The following NBAS variants were observed in gnomAD, a reference collection of about 807,000 sequenced individuals.
The protein encoded by NBAS is NBAS subunit of NRZ tethering complex.
In NBAS, 219 loss-of-function variants were observed where a neutral mutation model predicts 302.5. The observed-to-expected ratio is 0.72, with a 90% confidence interval of 0.65 to 0.81. The LOEUF (loss-of-function observed/expected upper bound fraction) is 0.81, where lower values mean the gene tolerates loss of function less well. Among genes scored for constraint, NBAS ranks in the 30% least tolerant of loss-of-function variants. The probability of loss-of-function intolerance (pLI) is 0.00; values close to 1 mark genes in which losing one functional copy is unlikely to be tolerated. For missense variants in NBAS, 2,932 were observed against 2,841.6 expected (o/e 1.03, Z -0.72); for synonymous variants, 1,118 against 1,021.6 (o/e 1.09, Z -1.80).
rs1667721856 is a variant in NBAS at position 15,238,705 on chromosome 2, G to A, written c.5725-19C>T. The A allele has an allele frequency of 1.2e-5, 6 of 515,684 alleles. No individual in the cohort carries two copies. Among genetic ancestry groups the A allele is most frequent in the Admixed American group, 4.0e-5 (1 of 25,248 alleles). 31.9% of individuals were successfully genotyped at this position (515,684 alleles called of 1,614,324 possible). On this transcript the variant is annotated intron_variant, in intron 44 of 51. Coordinates refer to ENST00000281513, the MANE Select transcript of NBAS (RefSeq NM_015909.4). Reference sequence around the variant, plus strand: ...CAGACAGCTTAAAAAAAAGAATAGTGAGACCAAAGAACCCTGCATTATTAC... The same window carrying A: ...CAGACAGCTTAAAAAAAAGAATAGTAAGACCAAAGAACCCTGCATTATTAC...
At chr2:15,126,352 A>G in the NBAS span, among the ~76,000 whole-genome samples, 1 of 152,152 alleles carries the variant, frequency 6.6e-6, no homozygotes, top group Admixed American at 6.6e-5. Flanking sequence ...TTTAGAAATT[A>G]CCCAACCTCG....
At chr2:15,410,783 GCATCTAA>G (rs58348767) in intron 25 of NBAS, among the ~76,000 whole-genome samples, 2,057 of 152,272 alleles carry the variant, frequency 0.014, 33 homozygotes, top group East Asian at 0.059. Context: ...TTCCATGCGG[GCATCTAA>G]AATGCCAGTC....
chr2:15,191,630 CCAACCATCCCG>C (rs1279138912), intron 48 of NBAS, among the ~76,000 whole-genome samples: 1 of 152,084 alleles, frequency 6.6e-6, no homozygotes, highest in African/African-American at 2.4e-5. Context: ...AGGAAACAGG[CCAACCATCCCG>C]GTGGCACGAC....
At chr2:15,134,793 G>A in the NBAS span, among the ~76,000 whole-genome samples, 2 of 152,168 alleles carry the variant, frequency 1.3e-5, no homozygotes, top group East Asian at 3.9e-4. Flanking sequence ...AAAGCTAGAA[G>A]ATGAACCTCA....
the NBAS span, among the ~76,000 whole-genome samples, chr2:15,154,534 C>T: frequency 6.6e-6 from 1 of 152,194 alleles, no homozygotes; most frequent in African/African-American, 2.4e-5. Context: ...ATTTCATTCG[C>T]ACTTACTGTG....
At chr2:15,415,841 C>A in intron 24 of NBAS, 122 bp from the exon 25 acceptor site, 1 of 1,026,996 alleles carries the variant, frequency 9.7e-7, no homozygotes, top group Non-Finnish European at 1.5e-6. Context: ...AGTGCAAACC[C>A]AACACTCTAA....
chr2:14,904,163 A>G, the NBAS span, among the ~76,000 whole-genome samples: 2 of 152,252 alleles, frequency 1.3e-5, no homozygotes, highest in African/African-American at 4.8e-5. Flanking sequence ...GAGAAACAGA[A>G]CTAATAGGAT....
the NBAS span, among the ~76,000 whole-genome samples, chr2:14,987,843 G>A: frequency 5.3e-5 from 8 of 152,022 alleles, no homozygotes; most frequent in Non-Finnish European, 1.2e-4. Context: ...AATATATTTC[G>A]GTATATATTC....
At chr2:15,160,285 A>G in the NBAS span, among the ~76,000 whole-genome samples, 2 of 152,128 alleles carry the variant, frequency 1.3e-5, no homozygotes, top group Non-Finnish European at 2.9e-5. Flanking sequence ...AGTAGTAGAC[A>G]GGGCAGCTTA....
At chr2:15,260,476 C>G (rs985836063) in intron 44 of NBAS, among the ~76,000 whole-genome samples, 1 of 151,918 alleles carries the variant, frequency 6.6e-6, no homozygotes, top group Non-Finnish European at 1.5e-5. Context: ...AGCTCTGGAG[C>G]CTTTAAGCTT....
At chr2:15,242,796 C>A in intron 44 of NBAS, among the ~76,000 whole-genome samples, 1 of 151,418 alleles carries the variant, frequency 6.6e-6, no homozygotes, top group Non-Finnish European at 1.5e-5. Context: ...TTCCCTGCAG[C>A]AATTAGTAGT....
chr2:15,131,045 C>T, the NBAS span, among the ~76,000 whole-genome samples: 1 of 152,154 alleles, frequency 6.6e-6, no homozygotes, highest in Non-Finnish European at 1.5e-5. Flanking sequence ...ATACGCCAAC[C>T]CTTTTTATAC....
chr2:14,964,621 A>G, the NBAS span, among the ~76,000 whole-genome samples: 1 of 152,200 alleles, frequency 6.6e-6, no homozygotes, highest in Non-Finnish European at 1.5e-5. Context: ...TTTTCTGTTA[A>G]TAATGGATAA....
At chr2:15,051,655 A>T in the NBAS span, among the ~76,000 whole-genome samples, 2 of 152,228 alleles carry the variant, frequency 1.3e-5, no homozygotes, top group Non-Finnish European at 2.9e-5. Context: ...AGCAAGACAC[A>T]GTGTACCATC....
chr2:14,792,347 C>A, the NBAS span, among the ~76,000 whole-genome samples: 1 of 152,280 alleles, frequency 6.6e-6, no homozygotes, highest in Non-Finnish European at 1.5e-5. Context: ...GCTCAGGACA[C>A]TTATAGTGGT....
At chr2:15,242,419 A>T (rs1368460990) in intron 44 of NBAS, among the ~76,000 whole-genome samples, 1 of 152,218 alleles carries the variant, frequency 6.6e-6, no homozygotes. Flanking sequence ...TATGATTAAA[A>T]ATATGTAAGG....
At chr2:15,388,200 A>G (rs1675406087) in intron 28 of NBAS, among the ~76,000 whole-genome samples, 1 of 152,178 alleles carries the variant, frequency 6.6e-6, no homozygotes, top group Non-Finnish European at 1.5e-5. Context: ...AATGTTTCAT[A>G]ATTTTCATAT....
the NBAS span, among the ~76,000 whole-genome samples, chr2:15,066,242 TTAATGATTTA>T: frequency 1.5e-4 from 23 of 152,158 alleles, no homozygotes; most frequent in Non-Finnish European, 3.1e-4. Context: ...TCAAAATGGA[TTAATGATTTA>T]TACTTAAGAC....
chr2:14,808,847 T>C, the NBAS span, among the ~76,000 whole-genome samples: 10 of 152,204 alleles, frequency 6.6e-5, no homozygotes, highest in Admixed American at 5.9e-4. Context: ...AGCAAAATGC[T>C]GTCAATGATA....
Sources: gnomAD v4.1 joint callset for allele counts (sites outside exome capture counted in the v4.1 genomes callset) on GRCh38, gnomAD v4.1.1 for gene constraint, MANE v1.5 for transcripts, NCBI Gene and HGNC (gene_info 2026-07-23, HGNC 2026-07-21) for gene names.